Variants in PTK2 observed in about 807,000 individuals in gnomAD.
PTK2 encodes focal adhesion kinase 1.
PTK2 carries 45 observed loss-of-function variants against 150.1 expected under a neutral mutation model. The ratio of observed to expected loss-of-function variants is 0.30; its 90% CI spans 0.24 to 0.38. PTK2 has a LOEUF of 0.38. Ranked by LOEUF, PTK2 falls within the 10% of genes least tolerant of loss-of-function variation. PTK2 has a pLI of 1.00. For missense variants in PTK2, 919 were observed against 1,307.3 expected, an observed-to-expected ratio of 0.70 and a Z score of 4.58; for synonymous variants, 432 against 449.2, an observed-to-expected ratio of 0.96 and a Z score of 0.48.
intron 5 of PTK2, among the ~76,000 whole-genome samples, chr8:140,854,882 A>G (rs991573507): frequency 1.2e-4 from 19 of 152,276 alleles, no homozygotes; most frequent in Non-Finnish European, 2.5e-4. Context: ...ATTGTAATCT[A>G]TTTCCCTCCC....
rs1332154206 is a variant in PTK2, at chr8:140,669,898, T to C, written c.2710-1474A>G. The C allele has an allele frequency of 5.2e-6, 4 of 776,376 alleles. No homozygotes were observed. In the African/African-American group the frequency reaches 6.9e-5, roughly 13 times the overall value. The allele number at this position is 776,376 out of a possible 1,614,324, so 48.1% of individuals were successfully genotyped here. On this transcript the variant is annotated intron_variant, in intron 29 of 31. Transcript: ENST00000522684. ...AGCCTGCCCACCAGCTCTCACTCAC[T>C]GTTGCCAGGGTGTGGCTACTGTGCC...
chr8:140,660,920 A>G (rs942805401), intron 31 of PTK2, among the ~76,000 whole-genome samples: 1 of 152,206 alleles, frequency 6.6e-6, no homozygotes, highest in African/African-American at 2.4e-5. Context: ...TGTACGAGAC[A>G]CTTGGTGCTT....
intron 26 of PTK2, among the ~76,000 whole-genome samples, chr8:140,698,276 T>C (rs543382383): frequency 1.3e-5 from 2 of 152,324 alleles, no homozygotes; most frequent in South Asian, 4.1e-4. Context: ...ACAAGAACTC[T>C]AGTTTGGAGA....
At chr8:140,661,286 GA>G (rs1321217187) in intron 31 of PTK2, among the ~76,000 whole-genome samples, 2 of 152,190 alleles carry the variant, frequency 1.3e-5, no homozygotes, top group Non-Finnish European at 2.9e-5. Flanking sequence ...AAGGGCAGGG[GA>G]ACAGACAAGA....
Position 140,775,679 on chromosome 8 carries a change from C to T in PTK2, c.1178-11389G>A, listed in dbSNP as rs113910284. ...ATGCTGGGCCTTCCAGCTATGCCTG[C>T]TTTTCAAATATTTAAATACTAGGCC... On this transcript the variant is annotated intron_variant, in intron 14 of 31. Transcript: ENST00000522684. 4.5e-3 allele frequency among the ~76,000 whole-genome samples: 683 copies of T among 152,096 alleles called. 8 individuals carry two copies. The highest frequency in any genetic ancestry group is 0.015 in the African/African-American group (619 of 41,504).
At chr8:140,986,683 A>C (rs2100193367) in intron 1 of PTK2, among the ~76,000 whole-genome samples, 2 of 152,370 alleles carry the variant, frequency 1.3e-5, no homozygotes, top group South Asian at 4.1e-4. Flanking sequence ...AGAGTAAACC[A>C]GTAATGAACC....
At chr8:140,969,778 C>T (rs890696163) in intron 1 of PTK2, among the ~76,000 whole-genome samples, 2 of 152,238 alleles carry the variant, frequency 1.3e-5, no homozygotes, top group Non-Finnish European at 2.9e-5. Context: ...AAAATCCCAA[C>T]TTGAAAATCC....
chr8:140,904,320 A>G (rs1207670734), intron 2 of PTK2, among the ~76,000 whole-genome samples: 2 of 152,194 alleles, frequency 1.3e-5, no homozygotes, highest in Non-Finnish European at 2.9e-5. Context: ...CGTTTGTTGA[A>G]CAAGCCTTGC....
At chr8:140,882,947 G>C (rs1256105148) in intron 3 of PTK2, among the ~76,000 whole-genome samples, 3 of 152,080 alleles carry the variant, frequency 2.0e-5, no homozygotes, top group African/African-American at 7.2e-5. Context: ...TTAATCTTAT[G>C]ATGATCAATT....
At chr8:140,787,688 G>A (rs1388957779) in intron 14 of PTK2, among the ~76,000 whole-genome samples, 1 of 152,222 alleles carries the variant, frequency 6.6e-6, no homozygotes, top group Non-Finnish European at 1.5e-5. Flanking sequence ...GTTACCCAAA[G>A]ACAGATGCCA....
chr8:140,804,191 T>C (rs1256210110), intron 10 of PTK2, among the ~76,000 whole-genome samples: 2 of 151,672 alleles, frequency 1.3e-5, no homozygotes, highest in African/African-American at 4.8e-5. Context: ...GGAGAGTCTA[T>C]GGTCATTTTC....
intron 26 of PTK2, among the ~76,000 whole-genome samples, chr8:140,696,973 A>G (rs1020426313): frequency 6.6e-6 from 1 of 151,850 alleles, no homozygotes; most frequent in East Asian, 1.9e-4. Context: ...AACTCTACCA[A>G]AAATACAAAA....
At chr8:140,771,971 T>G (rs2100075746) in intron 14 of PTK2, among the ~76,000 whole-genome samples, 2 of 150,426 alleles carry the variant, frequency 1.3e-5, no homozygotes, top group Admixed American at 1.3e-4. Context: ...TTTTTTTTAG[T>G]AGAGTCAGGG....
chr8:140,888,800 T>C (rs77056387), intron 3 of PTK2, among the ~76,000 whole-genome samples: 3 of 152,230 alleles, frequency 2.0e-5, no homozygotes, highest in Admixed American at 2.0e-4. Flanking sequence ...TTCATAATCT[T>C]TGAAAGGTTT....
intron 26 of PTK2, among the ~76,000 whole-genome samples, chr8:140,693,620 A>G (rs145575500): frequency 6.8e-6 from 1 of 147,216 alleles, no homozygotes; most frequent in African/African-American, 2.5e-5. Flanking sequence ...TAGGTATAGT[A>G]CAGAGTATCT....
chr8:140,791,966 G>C (rs956486862), intron 13 of PTK2, among the ~76,000 whole-genome samples: 2 of 152,216 alleles, frequency 1.3e-5, no homozygotes, highest in South Asian at 4.1e-4. Flanking sequence ...AAGAGCAAGA[G>C]TAGGTCATGT....
chr8:140,694,952 C>T (rs1340614723), intron 26 of PTK2, among the ~76,000 whole-genome samples: 6 of 152,184 alleles, frequency 3.9e-5, no homozygotes, highest in Non-Finnish European at 7.3e-5. Flanking sequence ...CACTACACCG[C>T]ACCAGGCGTT....
At chr8:140,869,874 T>TA (rs572534380) in intron 4 of PTK2, among the ~76,000 whole-genome samples, 88 of 142,760 alleles carry the variant, frequency 6.2e-4, no homozygotes, top group East Asian at 4.6e-3. Context: ...ACAGAATTAC[T>TA]AAAAAAAAAA....
chr8:140,905,411 A>G (rs897596296), intron 2 of PTK2, among the ~76,000 whole-genome samples: 22 of 152,230 alleles, frequency 1.4e-4, no homozygotes, highest in Non-Finnish European at 2.6e-4. Flanking sequence ...AAACCAACAA[A>G]GATCAAAAAA....
Sources: allele counts gnomAD v4.1 joint callset (sites outside exome capture counted in the v4.1 genomes callset), GRCh38; gene constraint gnomAD v4.1.1; transcripts MANE v1.5; gene names NCBI Gene and HGNC (gene_info 2026-07-23, HGNC 2026-07-21).